Variants in CERK observed in about 807,000 individuals in gnomAD.
CERK encodes the protein acylsphingosine kinase.
CERK carries 39 observed loss-of-function variants against 63.4 expected under a neutral mutation model. That is an observed-to-expected ratio of 0.61 (90% CI 0.48 to 0.80). CERK has a LOEUF of 0.80. Ranked by LOEUF, CERK falls within the 30% of genes least tolerant of loss-of-function variation. CERK has a pLI of 0.00. For missense variants in CERK, 670 were observed against 714.1 expected, an observed-to-expected ratio of 0.94 and a Z score of 0.70; for synonymous variants, 302 against 280.0, an observed-to-expected ratio of 1.08 and a Z score of -0.78.
chr22:46,692,928 GAGAA>G (rs1394519930), intron 10 of CERK, among the ~76,000 whole-genome samples: 1 of 145,916 alleles, frequency 6.9e-6, no homozygotes, highest in Non-Finnish European at 1.5e-5. Context: ...AAAAAAAGAA[GAGAA>G]AGAGAAAAAA....
chr22:46,706,628 T>C (rs135694), intron 6 of CERK, among the ~76,000 whole-genome samples: 1 of 152,074 alleles, frequency 6.6e-6, no homozygotes, highest in Non-Finnish European at 1.5e-5. Flanking sequence ...TCCTCTCTAT[T>C]AATAACTGCA....
intron 1 of CERK, among the ~76,000 whole-genome samples, chr22:46,732,663 T>C (rs1232754951): frequency 1.3e-5 from 2 of 151,770 alleles, no homozygotes; most frequent in Non-Finnish European, 2.9e-5. Context: ...CCACTTCCCA[T>C]TCACCGGGTC....
At chr22:46,692,919 AAAAAAG>A (rs891970167) in intron 10 of CERK, among the ~76,000 whole-genome samples, 3 of 151,288 alleles carry the variant, frequency 2.0e-5, no homozygotes, top group African/African-American at 7.3e-5. Context: ...AAAAAAAAAA[AAAAAAG>A]AAGAGAAAGA....
chr22:46,690,426 T>C (rs898454214), intron 11 of CERK, among the ~76,000 whole-genome samples: 1 of 151,656 alleles, frequency 6.6e-6, no homozygotes, highest in East Asian at 1.9e-4. Flanking sequence ...GGCGCCCACC[T>C]TCCCCGGCGC....
intron 6 of CERK, among the ~76,000 whole-genome samples, chr22:46,705,893 C>T (rs889389629): frequency 6.6e-6 from 1 of 151,948 alleles, no homozygotes; most frequent in African/African-American, 2.4e-5. Context: ...AAAAGTTGGC[C>T]GAGTGTGGTG....
chr22:46,711,105 T>G lies in CERK; in HGVS notation c.550A>C (p.Asn184His). The change falls in exon 5 of 13, where the codon AAC (asparagine) becomes CAC (histidine). Residue 184 changes from asparagine (N) to histidine (H), a missense_variant. Transcript: ENST00000216264. ...NQAKETLYEI[N>H]IDKYDGIVCV... ...ACTCACCCGTCGTATTTGTCTATGT[T>G]AATCTCATACAGAGTCTCCTTGGCC... is the stretch of plus-strand genomic sequence containing the variant. 2 of 1,613,830 alleles carry G rather than the reference T, an allele frequency of 1.2e-6. No homozygotes were observed. Among genetic ancestry groups the G allele is most frequent in the Non-Finnish European group, 1.7e-6 (2 of 1,179,742 alleles).
intron 3 of CERK, among the ~76,000 whole-genome samples, chr22:46,717,548 T>C (rs1161928314): frequency 3.3e-5 from 5 of 152,246 alleles, no homozygotes; most frequent in Admixed American, 1.3e-4. Flanking sequence ...ACAAGTGTCA[T>C]GTTGAGCCGA....
At chr22:46,715,545 G>T (rs2082862287) in intron 3 of CERK, among the ~76,000 whole-genome samples, 1 of 152,174 alleles carries the variant, frequency 6.6e-6, no homozygotes, top group South Asian at 2.1e-4. Flanking sequence ...ACTAGGTTGG[G>T]CACAGTGGTT....
In CERK at chr22:46,701,726, G is replaced by T. The variant is rs372942763; in HGVS notation, c.716-16C>A. ...TCCGTTGACCCTGTAAAGGGAAAAA[G>T]AAGGTCCCAAATAGCATCAGAATAA... On this transcript the variant is annotated splice_polypyrimidine_tract_variant and intron_variant, in intron 6 of 12. Coordinates refer to ENST00000216264, the MANE Select transcript of CERK (RefSeq NM_022766.6). The T allele has an allele frequency of 4.0e-5, 62 of 1,548,332 alleles. No individual in the cohort carries two copies. In the African/African-American group the frequency reaches 7.1e-4, roughly 18 times the overall value.
intron 1 of CERK, among the ~76,000 whole-genome samples, chr22:46,737,656 G>A (rs1045148986): frequency 1.3e-5 from 2 of 152,192 alleles, no homozygotes; most frequent in African/African-American, 4.8e-5. Flanking sequence ...CCCCCCCTCG[G>A]GATCCATCCA....
chr22:46,737,359 G>T (rs1345285209), intron 1 of CERK, among the ~76,000 whole-genome samples: 1 of 151,844 alleles, frequency 6.6e-6, no homozygotes, highest in Non-Finnish European at 1.5e-5. Flanking sequence ...CTGTCCTCCT[G>T]CAGGGCTCTC....
At chr22:46,703,348 C>T (rs2082797022) in intron 6 of CERK, among the ~76,000 whole-genome samples, 1 of 152,146 alleles carries the variant, frequency 6.6e-6, no homozygotes, top group African/African-American at 2.4e-5. Context: ...CCACCTGCCC[C>T]TCCTGCCTCT....
At chr22:46,709,272 G>A (rs1221963521) in intron 5 of CERK, among the ~76,000 whole-genome samples, 1 of 152,220 alleles carries the variant, frequency 6.6e-6, no homozygotes, top group Non-Finnish European at 1.5e-5. Flanking sequence ...GAGAAGGCGT[G>A]CCCTCAAGAG....
intron 2 of CERK, among the ~76,000 whole-genome samples, chr22:46,720,655 A>C (rs2082887615): frequency 6.6e-6 from 1 of 152,150 alleles, no homozygotes; most frequent in Admixed American, 6.5e-5. Flanking sequence ...AGACCGCGCC[A>C]CTGCACTTCA....
At chr22:46,724,745 C>A (rs754068170) in intron 1 of CERK, among the ~76,000 whole-genome samples, 1 of 152,000 alleles carries the variant, frequency 6.6e-6, no homozygotes, top group Non-Finnish European at 1.5e-5. Context: ...CTCAGCAGGG[C>A]GGGGTGGCTC....
chr22:46,708,179 ACAAATAATGAGATTGATGG>A (rs1222024245), intron 5 of CERK, among the ~76,000 whole-genome samples, 191 bp from the exon 6 acceptor site: 1 of 152,246 alleles, frequency 6.6e-6, no homozygotes, highest in Non-Finnish European at 1.5e-5. Flanking sequence ...GACCACGTGT[ACAAATAATGAGATTGATGG>A]CAAATACTGG....
At chr22:46,695,415 T>G in intron 8 of CERK, 100 bp from the exon 9 acceptor site, 1 of 783,866 alleles carries the variant, frequency 1.3e-6, no homozygotes, top group East Asian at 2.5e-5. Flanking sequence ...AGCGCGCATC[T>G]GCCTAAACCG....
At chr22:46,697,341 C>T (rs1191839122) in intron 8 of CERK, among the ~76,000 whole-genome samples, 1 of 151,996 alleles carries the variant, frequency 6.6e-6, no homozygotes, top group Non-Finnish European at 1.5e-5. Flanking sequence ...CTGGCTGTCG[C>T]TCCAGCTGCA....
Position 46,690,047 on chromosome 22 carries a change from T to G in CERK, c.1486A>C (p.Asn496His). The change falls in exon 12 of 13, where the codon AAC becomes CAC. Residue 496 changes from asparagine (N) to histidine (H), a missense_variant. Physicochemically the swap from Asn to His is moderately conservative, Grantham distance 68. Coordinates refer to ENST00000216264, the MANE Select transcript of CERK (RefSeq NM_022766.6). ...SHPSCCCTVS[N>H]SSWNCDGEVL... ...TCCCCGTCGCAGTTCCAGGAGCTGT[T>G]GGAGACGGTGCAGCAGCAGGAGGGG... 6.2e-7 allele frequency: 1 copy of G among 1,613,332 alleles called. No individual in the cohort carries two copies. Among genetic ancestry groups the G allele is most frequent in the Non-Finnish European group, 8.5e-7 (1 of 1,179,942 alleles).
Sources: gnomAD v4.1 joint callset for allele counts (sites outside exome capture counted in the v4.1 genomes callset) on GRCh38, gnomAD v4.1.1 for gene constraint, MANE v1.5 for transcripts, NCBI Gene and HGNC (gene_info 2026-07-23, HGNC 2026-07-21) for gene names.